The following SH3RF3 variants were observed in gnomAD, a reference collection of about 807,000 sequenced individuals.
SH3RF3 encodes the protein E3 ubiquitin-protein ligase SH3RF3.
In SH3RF3, 29 loss-of-function variants were observed where a neutral mutation model predicts 66.3. That is an observed-to-expected ratio of 0.44 (90% CI 0.33 to 0.60). SH3RF3 has a LOEUF of 0.60. SH3RF3 is among the 20% of genes least tolerant of loss of function. The probability of loss-of-function intolerance (pLI) is 0.04; values close to 1 mark genes in which losing one functional copy is unlikely to be tolerated. For synonymous variants in SH3RF3, 583 were observed against 532.0 expected, an observed-to-expected ratio of 1.10 and a Z score of -1.32; for missense variants, 1,194 against 1,190.9, an observed-to-expected ratio of 1.00 and a Z score of -0.04.
intron 1 of SH3RF3, among the ~76,000 whole-genome samples, chr2:109,337,931 C>T (rs1296939685): frequency 6.6e-6 from 1 of 151,880 alleles, no homozygotes; most frequent in Non-Finnish European, 1.5e-5. Context: ...GGGATTTTGC[C>T]ACGTTACCCC....
chr2:109,388,124 C>T (rs545765604), intron 3 of SH3RF3, among the ~76,000 whole-genome samples: 57 of 152,318 alleles, frequency 3.7e-4, no homozygotes, highest in African/African-American at 1.0e-3. Context: ...CGCCTGCCCA[C>T]GCCTCTCCAT....
rs1261276275 is a variant in SH3RF3, at chr2:109,481,546, AG to A, written c.2149-9058del. On this transcript the variant is annotated intron_variant, in intron 8 of 9. Transcript: ENST00000309415. ...AGTTTCCAGAAGGCTGTAGATGCGTAGCTGGCTGTCCAGTCCCATTGCATCT... is the reference window on the plus strand; with the variant it reads ...AGTTTCCAGAAGGCTGTAGATGCGTACTGGCTGTCCAGTCCCATTGCATCT... 1.4e-3 allele frequency among the ~76,000 whole-genome samples: 208 copies of A among 152,136 alleles called. 1 individual carries two copies. The highest frequency in any genetic ancestry group is 4.5e-3 in the African/African-American group (188 of 41,514).
chr2:109,366,204 T>C (rs1230929646), intron 2 of SH3RF3, among the ~76,000 whole-genome samples: 1 of 152,202 alleles, frequency 6.6e-6, no homozygotes, highest in Non-Finnish European at 1.5e-5. Context: ...TAAGCAAAAA[T>C]AGTAAAATTA....
At chr2:109,499,346 GT>G (rs1318799441) in intron 9 of SH3RF3, among the ~76,000 whole-genome samples, 1 of 152,220 alleles carries the variant, frequency 6.6e-6, no homozygotes, top group Non-Finnish European at 1.5e-5. Context: ...TCAGCCAGGG[GT>G]TTTTAGGCAG....
Position 109,129,352 on chromosome 2 carries a change from TCCCCGCCACG to T in SH3RF3, c.-187_-178del. 2.3e-6 allele frequency: 2 copies of T among 871,224 alleles called. No individual in the cohort carries two copies. Among genetic ancestry groups the T allele is most frequent in the East Asian group, 3.3e-5 (1 of 30,346 alleles). The allele number at this position is 871,224 out of a possible 1,614,324, so 54.0% of individuals were successfully genotyped here. A position where few individuals can be genotyped will look rare whatever the true frequency, so the allele number is the denominator to read the frequency against. ...GGCCGGTCCCCGCCACGCAGGCCGG[TCCCCGCCACG>T]CAGGCCGGTCGGTGAGCCACTTCGC... On this transcript the variant is annotated 5_prime_UTR_variant, in exon 1 of 10. Coordinates refer to ENST00000309415, the MANE Select transcript of SH3RF3 (RefSeq NM_001099289.3).
intron 1 of SH3RF3, among the ~76,000 whole-genome samples, chr2:109,284,870 T>C (rs1680991478): frequency 6.6e-6 from 1 of 152,222 alleles, no homozygotes; most frequent in African/African-American, 2.4e-5. Context: ...GTTGATGCTC[T>C]TGAACGTGCT....
chr2:109,302,676 T>C (rs985327051), intron 1 of SH3RF3, among the ~76,000 whole-genome samples: 2 of 152,210 alleles, frequency 1.3e-5, no homozygotes, highest in Non-Finnish European at 2.9e-5. Flanking sequence ...TCTGGAGTTT[T>C]CCACAGTCCT....
intron 1 of SH3RF3, among the ~76,000 whole-genome samples, chr2:109,340,649 C>G (rs573041028): frequency 4.3e-4 from 65 of 152,288 alleles, no homozygotes; most frequent in Non-Finnish European, 8.1e-4. Context: ...TTTGCCTCAG[C>G]AAGTAGTCAA....
At chr2:109,257,732 G>T (rs1321280145) in intron 1 of SH3RF3, among the ~76,000 whole-genome samples, 1 of 152,124 alleles carries the variant, frequency 6.6e-6, no homozygotes, top group Non-Finnish European at 1.5e-5. Context: ...CCCTGTCTCA[G>T]TGTCCAAAAA....
intron 1 of SH3RF3, among the ~76,000 whole-genome samples, chr2:109,167,456 C>A (rs1448088506): frequency 6.6e-6 from 1 of 152,148 alleles, no homozygotes; most frequent in Non-Finnish European, 1.5e-5. Context: ...TAGAAATAAC[C>A]CCCAGGCTAG....
intron 1 of SH3RF3, among the ~76,000 whole-genome samples, chr2:109,268,779 A>G (rs902971608): frequency 5.9e-5 from 9 of 151,750 alleles, no homozygotes; most frequent in African/African-American, 2.2e-4. Context: ...GATGTCGCCT[A>G]CTATAGGCTA....
In SH3RF3 at chr2:109,501,552, C is replaced by T. The variant is rs1296848899; in HGVS notation, c.2530C>T (p.Leu844=). The change falls in exon 10 of 10, where the codon CTG becomes TTG. Residue 844 remains leucine (L), a synonymous_variant. Coordinates refer to ENST00000309415, the MANE Select transcript of SH3RF3 (RefSeq NM_001099289.3). ...YPPQSEAEIE[L]KEGDIVFVHK... Reference sequence around the variant, plus strand: ...ACCCCAGAGTGAGGCGGAGATCGAGCTGAAGGAAGGCGACATCGTCTTTGT... The same window carrying T: ...ACCCCAGAGTGAGGCGGAGATCGAGTTGAAGGAAGGCGACATCGTCTTTGT... 3.8e-6 allele frequency: 3 copies of T among 779,576 alleles called. No homozygotes were observed. The highest frequency in any genetic ancestry group is 7.2e-6 in the Non-Finnish European group (3 of 417,584). The allele number at this position is 779,576 out of a possible 1,614,324, so 48.3% of individuals were successfully genotyped here.
chr2:109,390,484 C>T (rs1675956954), intron 3 of SH3RF3, among the ~76,000 whole-genome samples: 1 of 151,600 alleles, frequency 6.6e-6, no homozygotes. Flanking sequence ...GGTCTTAATA[C>T]TGAAATGACA....
intron 1 of SH3RF3, among the ~76,000 whole-genome samples, chr2:109,233,507 G>T (rs979624268): frequency 6.6e-6 from 1 of 152,332 alleles, no homozygotes; most frequent in African/African-American, 2.4e-5. Context: ...CAGGATGGGG[G>T]TGTGGTGGGC....
At chr2:109,170,329 C>CCT (rs747106986) in intron 1 of SH3RF3, among the ~76,000 whole-genome samples, 2 of 144,438 alleles carry the variant, frequency 1.4e-5, no homozygotes, top group African/African-American at 5.2e-5. Context: ...CTCTCTCTCT[C>CCT]CTCTCTCTCT....
chr2:109,429,821 G>A (rs1677141996), intron 5 of SH3RF3, among the ~76,000 whole-genome samples: 1 of 152,242 alleles, frequency 6.6e-6, no homozygotes, highest in Non-Finnish European at 1.5e-5. Flanking sequence ...GGCCACCCGA[G>A]CAGAGGTAGC....
chr2:109,417,090 T>C (rs145834304), intron 4 of SH3RF3, among the ~76,000 whole-genome samples: 1 of 152,224 alleles, frequency 6.6e-6, no homozygotes, highest in Non-Finnish European at 1.5e-5. Context: ...ACTATTTGAA[T>C]GGGTGAGTGA....
chr2:109,472,902 TTCTG>T (rs1678562086), intron 8 of SH3RF3, among the ~76,000 whole-genome samples: 1 of 152,174 alleles, frequency 6.6e-6, no homozygotes, highest in Non-Finnish European at 1.5e-5. Context: ...AGCCTCTTAT[TTCTG>T]TCTGTCCTAC....
chr2:109,170,320 TC>T (rs1677747554), intron 1 of SH3RF3, among the ~76,000 whole-genome samples: 1 of 133,296 alleles, frequency 7.5e-6, no homozygotes, highest in Non-Finnish European at 1.6e-5. Flanking sequence ...TTCTCTCCTC[TC>T]TCTCTCTCCT....
Sources: allele counts gnomAD v4.1 joint callset (sites outside exome capture counted in the v4.1 genomes callset), GRCh38; gene constraint gnomAD v4.1.1; transcripts MANE v1.5; gene names NCBI Gene and HGNC (gene_info 2026-07-23, HGNC 2026-07-21).